LRIG1: variants seen among roughly 807,000 people sequenced by gnomAD.
The protein encoded by LRIG1 is leucine rich repeats and immunoglobulin like domains 1.
A neutral mutation model predicts 99.2 loss-of-function variants in LRIG1; 48 were observed. The observed-to-expected ratio is 0.48, with a 90% confidence interval of 0.38 to 0.62. The LOEUF (loss-of-function observed/expected upper bound fraction) is 0.62, where lower values mean the gene tolerates loss of function less well. Ranked by LOEUF, LRIG1 falls within the 20% of genes least tolerant of loss-of-function variation. The pLI is 0.00. For synonymous variants in LRIG1, 772 were observed against 596.1 expected, an observed-to-expected ratio of 1.29 and a Z score of -4.30; for missense variants, 1,646 against 1,434.4, an observed-to-expected ratio of 1.15 and a Z score of -2.38.
At chr3:66,469,147 G>A (rs1342459218) in intron 1 of LRIG1, 1 of 152,146 alleles carries the variant, frequency 6.6e-6, no homozygotes, top group Non-Finnish European at 1.5e-5. Context: ...AGAAGGTTCT[G>A]TACTTGCTGC....
At chr3:66,454,110 G>A (rs1703994092) in intron 2 of LRIG1, among the ~76,000 whole-genome samples, 1 of 152,190 alleles carries the variant, frequency 6.6e-6, no homozygotes, top group Non-Finnish European at 1.5e-5. Context: ...AGGGCTGCCT[G>A]ACTTACAGGG....
chr3:66,394,280 G>C, intron 11 of LRIG1, 77 bp from the exon 12 acceptor site: 1 of 1,266,012 alleles, frequency 7.9e-7, no homozygotes, highest in Non-Finnish European at 1.1e-6. Flanking sequence ...ACAATGATCA[G>C]TCGCCTCCAA....
rs147024346 is a variant in LRIG1, at chr3:66,496,276, T to C, written c.218+3914A>G. Among the ~76,000 whole-genome samples the C allele has an allele frequency of 5.9e-3, 891 of 152,304 alleles. 4 individuals are homozygous for C. The highest frequency in any genetic ancestry group is 0.02 in the African/African-American group (836 of 41,564). ...AGGCAAGAGGGACATTGTGTGCCAA[T>C]ACACAGTTAATTTACATGGGGCGCT... is the stretch of plus-strand genomic sequence containing the variant. On this transcript the variant is annotated intron_variant, in intron 1 of 18. Coordinates refer to ENST00000273261, the MANE Select transcript of LRIG1 (RefSeq NM_015541.3).
chr3:66,402,981 C>T (rs1702118514), intron 9 of LRIG1, among the ~76,000 whole-genome samples: 1 of 152,216 alleles, frequency 6.6e-6, no homozygotes, highest in South Asian at 2.1e-4. Flanking sequence ...AGGCCAAACA[C>T]AGCAGTTTTT....
intron 1 of LRIG1, 84 bp downstream of exon 1, chr3:66,500,106 C>G (rs1034206008): frequency 8.3e-6 from 9 of 1,090,830 alleles, no homozygotes; most frequent in African/African-American, 8.1e-5. Flanking sequence ...GTCCGCACCC[C>G]CTCCCTGAGT....
At chr3:66,433,630 T>C (rs1034954543) in intron 3 of LRIG1, among the ~76,000 whole-genome samples, 1 of 152,236 alleles carries the variant, frequency 6.6e-6, no homozygotes, top group Non-Finnish European at 1.5e-5. Flanking sequence ...CTCCCAATCA[T>C]ACGATTTACA....
chr3:66,388,600 C>G (rs995528396), intron 12 of LRIG1, among the ~76,000 whole-genome samples: 1 of 151,908 alleles, frequency 6.6e-6, no homozygotes, highest in South Asian at 2.1e-4. Flanking sequence ...ATCTTGAAAA[C>G]GCAAAAGAGG....
chr3:66,450,995 G>A (rs1170726337), intron 3 of LRIG1, among the ~76,000 whole-genome samples: 1 of 152,208 alleles, frequency 6.6e-6, no homozygotes, highest in African/African-American at 2.4e-5. Context: ...CCCAATGGGT[G>A]CCTTCATGTC....
chr3:66,423,888 G>A (rs898472312), intron 3 of LRIG1, among the ~76,000 whole-genome samples: 15 of 152,180 alleles, frequency 9.9e-5, no homozygotes, highest in Non-Finnish European at 2.2e-4. Context: ...AATAAAATGA[G>A]TTCTTGTTTT....
intron 3 of LRIG1, among the ~76,000 whole-genome samples, chr3:66,418,449 A>AT (rs1427360659): frequency 6.6e-6 from 1 of 152,232 alleles, no homozygotes; most frequent in African/African-American, 2.4e-5. Context: ...AGCAACAGTT[A>AT]TAAGTCAAGA....
chr3:66,389,036 G>A (rs917655725), intron 12 of LRIG1, among the ~76,000 whole-genome samples: 1 of 152,130 alleles, frequency 6.6e-6, no homozygotes, highest in African/African-American at 2.4e-5. Context: ...GTAATTATAA[G>A]GCTGTGTTGA....
chr3:66,421,866 T>C (rs142970973), intron 3 of LRIG1, among the ~76,000 whole-genome samples: 8,538 of 152,354 alleles, frequency 0.056, 301 homozygotes, highest in South Asian at 0.14. Context: ...CATCCAGGCA[T>C]TTCCATACAT....
chr3:66,492,228 G>A (rs1033255228), intron 1 of LRIG1, among the ~76,000 whole-genome samples: 3 of 152,184 alleles, frequency 2.0e-5, no homozygotes, highest in African/African-American at 7.2e-5. Context: ...CCTTCTCATT[G>A]CATTTAACAG....
intron 1 of LRIG1, among the ~76,000 whole-genome samples, chr3:66,489,412 C>G (rs1184480815): frequency 6.6e-6 from 1 of 152,060 alleles, no homozygotes; most frequent in East Asian, 1.9e-4. Flanking sequence ...GTCCTAGCTA[C>G]TCAGTAGACT....
At chr3:66,398,275 G>T in intron 10 of LRIG1, 92 bp from the exon 11 acceptor site, 1 of 926,766 alleles carries the variant, frequency 1.1e-6, no homozygotes, top group East Asian at 2.4e-5. Flanking sequence ...TGACCCACAG[G>T]GACTAGCCAG....
At chr3:66,390,965 T>A (rs982166743) in intron 12 of LRIG1, among the ~76,000 whole-genome samples, 1 of 152,022 alleles carries the variant, frequency 6.6e-6, no homozygotes, top group Non-Finnish European at 1.5e-5. Context: ...CAACTAAACA[T>A]TGAAAAGACA....
chr3:66,410,051 G>A (rs1702413356), intron 7 of LRIG1, 78 bp downstream of exon 7: 3 of 1,465,988 alleles, frequency 2.0e-6, no homozygotes, highest in African/African-American at 2.8e-5. Flanking sequence ...CTGTGTGGTG[G>A]AACGAACCAG....
At chr3:66,389,821 G>C (rs1353171652) in intron 12 of LRIG1, among the ~76,000 whole-genome samples, 3 of 152,104 alleles carry the variant, frequency 2.0e-5, no homozygotes, top group Non-Finnish European at 4.4e-5. Context: ...AAAAGTTCAT[G>C]GAAAACCGAA....
At chr3:66,399,083 A>G (rs1334415253) in intron 9 of LRIG1, 42 bp from the exon 10 acceptor site, 2 of 1,487,126 alleles carry the variant, frequency 1.3e-6, no homozygotes, top group African/African-American at 2.8e-5. Context: ...CAGGGAAGGA[A>G]AGCGAAACAG....
Sources: allele counts gnomAD v4.1 joint callset (sites outside exome capture counted in the v4.1 genomes callset), GRCh38; gene constraint gnomAD v4.1.1; transcripts MANE v1.5; gene names NCBI Gene and HGNC (gene_info 2026-07-23, HGNC 2026-07-21).